HS3ST5: variants seen among roughly 807,000 people sequenced by gnomAD.
The protein encoded by HS3ST5 is heparan sulfate-glucosamine 3-sulfotransferase 5, also known as heparan sulfate glucosamine 3-O-sulfotransferase 5.
Under a neutral mutation model 25.4 loss-of-function variants are expected in HS3ST5, and 10 were observed. The ratio of observed to expected loss-of-function variants is 0.39; its 90% CI spans 0.24 to 0.67. HS3ST5 has a LOEUF of 0.67. Ranked by LOEUF, HS3ST5 falls within the 30% of genes least tolerant of loss-of-function variation. The pLI is 0.44. For missense variants in HS3ST5, 324 were observed against 420.7 expected, an observed-to-expected ratio of 0.77 and a Z score of 2.01; for synonymous variants, 170 against 162.4, an observed-to-expected ratio of 1.05 and a Z score of -0.36.
chr6:114,253,862 G>A (rs997142226), intron 1 of HS3ST5, among the ~76,000 whole-genome samples: 1 of 152,146 alleles, frequency 6.6e-6, no homozygotes, highest in African/African-American at 2.4e-5. Context: ...TCTGCTCATT[G>A]CCTCAGGTAA....
intron 1 of HS3ST5, among the ~76,000 whole-genome samples, chr6:114,243,160 A>C (rs1369285524): frequency 3.9e-5 from 6 of 152,186 alleles, no homozygotes; most frequent in African/African-American, 9.7e-5. Flanking sequence ...AGATCATCAT[A>C]ACTCCTCAGC....
chr6:114,314,059 G>A (rs1165135074), intron 1 of HS3ST5, among the ~76,000 whole-genome samples: 1 of 152,150 alleles, frequency 6.6e-6, no homozygotes, highest in Non-Finnish European at 1.5e-5. Context: ...CAGAGTAGCT[G>A]GGATTACAGG....
Position 114,233,423 on chromosome 6 carries a change from TTA to T in HS3ST5, c.-338-4647_-338-4646del, listed in dbSNP as rs571043629. 2.9e-3 allele frequency among the ~76,000 whole-genome samples: 438 copies of T among 152,192 alleles called. 3 individuals are homozygous for T. The highest frequency in any genetic ancestry group is 3.0e-3 in the Non-Finnish European group (206 of 67,984). ...GCTAGTTTACCACTTTTCTATAAGA[TTA>T]GAAATGACCCAGAAGAAATATATTA... On this transcript the variant is annotated intron_variant, in intron 1 of 4. Transcript: ENST00000312719.
rs370828945 is a variant in HS3ST5 at position 114,164,394 on chromosome 6, C to T, written c.-33+3957G>A. On this transcript the variant is annotated intron_variant, in intron 3 of 4. Coordinates refer to ENST00000312719, the MANE Select transcript of HS3ST5 (RefSeq NM_153612.4). Reference sequence around the variant, plus strand: ...TAACAATAATGATAAACTGCAAATACTAAGGAGGCTATGAACAAAGTCCAA... The same window carrying T: ...TAACAATAATGATAAACTGCAAATATTAAGGAGGCTATGAACAAAGTCCAA... Among the ~76,000 whole-genome samples, 13 of 152,216 alleles carry T rather than the reference C, an allele frequency of 8.5e-5. No individual in the cohort carries two copies. The South Asian group carries it at 2.7e-3, about 32-fold the overall frequency.
In HS3ST5 at chr6:114,233,400, T is replaced by C. The variant is rs972458136; in HGVS notation, c.-338-4622A>G. The stretch of plus-strand genomic sequence containing the variant: ...TTGATTCTCTCTCTCTCACAATGGC[T>C]AGTTTACCACTTTTCTATAAGATTA... On this transcript the variant is annotated intron_variant, in intron 1 of 4. Transcript: ENST00000312719. 7.9e-5 allele frequency among the ~76,000 whole-genome samples: 12 copies of C among 152,150 alleles called. No homozygotes were observed. In the East Asian group the frequency reaches 2.1e-3, roughly 27 times the overall value.
At chr6:114,228,255 G>A (rs182600786) in intron 2 of HS3ST5, among the ~76,000 whole-genome samples, 1 of 151,978 alleles carries the variant, frequency 6.6e-6, no homozygotes, top group Non-Finnish European at 1.5e-5. Flanking sequence ...GCATTTTAAG[G>A]ATCCCTCCTC....
chr6:114,230,781 G>C (rs1303113441), intron 1 of HS3ST5, among the ~76,000 whole-genome samples: 3 of 151,590 alleles, frequency 2.0e-5, no homozygotes, highest in Non-Finnish European at 1.5e-5. Flanking sequence ...ATAGAGACAG[G>C]GTTTCACCAT....
rs546777142 is a variant in HS3ST5 at position 114,326,684 on chromosome 6, A to AT, written c.-339+15510dup. On this transcript the variant is annotated intron_variant, in intron 1 of 4. Transcript: ENST00000312719. ...TAGTCAATGCCCTTGAAGTCTTTAG[A>AT]TTTTTTTTCAGTGAAGAATCTTCTA... is the stretch of plus-strand genomic sequence containing the variant. Among the ~76,000 whole-genome samples the AT allele has an allele frequency of 2.0e-4, 30 of 152,062 alleles. No individual in the cohort carries two copies. In the South Asian group the frequency reaches 5.6e-3, roughly 28 times the overall value.
At chr6:114,196,920 A>T (rs1780787993) in intron 2 of HS3ST5, among the ~76,000 whole-genome samples, 1 of 152,166 alleles carries the variant, frequency 6.6e-6, no homozygotes. Context: ...TGATTGAGGA[A>T]AGAATGCTAT....
chr6:114,080,046 G>A (rs185820911), intron 3 of HS3ST5, among the ~76,000 whole-genome samples: 15 of 152,238 alleles, frequency 9.9e-5, no homozygotes, highest in Admixed American at 2.6e-4. Flanking sequence ...CAAAGTGCTG[G>A]GATTATAGGC....
chr6:114,149,395 G>A (rs982265629), intron 3 of HS3ST5, among the ~76,000 whole-genome samples: 4 of 152,184 alleles, frequency 2.6e-5, no homozygotes, highest in Non-Finnish European at 4.4e-5. Context: ...GGAATACTAT[G>A]CAGCCATAAA....
intron 3 of HS3ST5, among the ~76,000 whole-genome samples, chr6:114,097,468 C>G (rs1205625025): frequency 6.6e-6 from 1 of 151,786 alleles, no homozygotes; most frequent in Non-Finnish European, 1.5e-5. Context: ...TATTTAGCAT[C>G]CTTTATATTG....
chr6:114,201,840 A>T (rs1781028493), intron 2 of HS3ST5, among the ~76,000 whole-genome samples: 2 of 152,186 alleles, frequency 1.3e-5, no homozygotes, highest in Non-Finnish European at 2.9e-5. Context: ...GGAAGCAAAC[A>T]TGTCCTTCTT....
chr6:114,330,525 G>C (rs1199666838), intron 1 of HS3ST5, among the ~76,000 whole-genome samples: 1 of 152,192 alleles, frequency 6.6e-6, no homozygotes, highest in Non-Finnish European at 1.5e-5. Context: ...CAGGGCCAAA[G>C]GTATGCGTCC....
chr6:114,144,453 C>T (rs931631829), intron 3 of HS3ST5, among the ~76,000 whole-genome samples: 33 of 150,836 alleles, frequency 2.2e-4, no homozygotes, highest in African/African-American at 6.7e-4. Context: ...AGCTTTGGGA[C>T]GGTCTTTGAT....
chr6:114,210,164 T>C (rs1245909209), intron 2 of HS3ST5, among the ~76,000 whole-genome samples: 1 of 152,192 alleles, frequency 6.6e-6, no homozygotes, highest in African/African-American at 2.4e-5. Flanking sequence ...TAGTAGTAAT[T>C]ACAAACTGAA....
intron 3 of HS3ST5, among the ~76,000 whole-genome samples, chr6:114,165,386 C>A (rs1779158946): frequency 6.6e-6 from 1 of 152,194 alleles, no homozygotes; most frequent in South Asian, 2.1e-4. Flanking sequence ...TGAGCATGGG[C>A]TTTCTACATC....
At chr6:114,328,475 A>G (rs1776261270) in intron 1 of HS3ST5, among the ~76,000 whole-genome samples, 1 of 152,268 alleles carries the variant, frequency 6.6e-6, no homozygotes, top group East Asian at 1.9e-4. Flanking sequence ...ATCCTTGTAC[A>G]ATCTGCCTGT....
rs533010218 is a variant in HS3ST5, at chr6:114,146,510, G to A, written c.-33+21841C>T. On this transcript the variant is annotated intron_variant, in intron 3 of 4. Transcript: ENST00000312719. ...GAACCTCCAGAGAGGAAAGTTAGAA[G>A]CCATGGAGGCCAATGGCCAAGAATG... Among the ~76,000 whole-genome samples the A allele has an allele frequency of 4.6e-5, 7 of 152,332 alleles. No individual in the cohort carries two copies. In the South Asian group the frequency reaches 8.3e-4, roughly 18 times the overall value.
Sources: gnomAD v4.1 joint callset for allele counts (sites outside exome capture counted in the v4.1 genomes callset) on GRCh38, gnomAD v4.1.1 for gene constraint, MANE v1.5 for transcripts, NCBI Gene and HGNC (gene_info 2026-07-23, HGNC 2026-07-21) for gene names.